PCDH15: variants seen among roughly 807,000 people sequenced by gnomAD.
PCDH15 encodes the protein protocadherin-15.
In PCDH15, 129 loss-of-function variants were observed where a neutral mutation model predicts 178.5. The ratio of observed to expected loss-of-function variants is 0.72; its 90% CI spans 0.63 to 0.84. PCDH15 has a LOEUF of 0.84. PCDH15 is among the 40% of genes least tolerant of loss of function. The probability of loss-of-function intolerance (pLI) is 0.00; values close to 1 mark genes in which losing one functional copy is unlikely to be tolerated. For missense variants in PCDH15, 2,230 were observed against 2,099.9 expected (o/e 1.06, Z -1.21); for synonymous variants, 800 against 732.0 (o/e 1.09, Z -1.50).
At chr10:53,863,679 GA>G (rs987947517) in intron 27 of PCDH15, among the ~76,000 whole-genome samples, 4 of 152,130 alleles carry the variant, frequency 2.6e-5, no homozygotes, top group South Asian at 2.1e-4. Flanking sequence ...TTGGAAGATA[GA>G]AAAAAAGCAT....
chr10:54,628,308 T>C lies in PCDH15; in HGVS notation c.91+35864A>G, dbSNP rs2093612805. ...ATATTCTTCCCACATAAATTATAGA[T>C]TAACATATTTCCTGATTTTTTGAAG... On this transcript the variant is annotated intron_variant, in intron 2 of 37. Coordinates refer to ENST00000644397, the MANE Select transcript of PCDH15 (RefSeq NM_001384140.1). Among the ~76,000 whole-genome samples the C allele has an allele frequency of 3.3e-5, 5 of 152,272 alleles. No homozygotes were observed. In the South Asian group the frequency reaches 1.0e-3, roughly 32 times the overall value.
At chr10:54,589,479 C>T (rs1590312737) in intron 2 of PCDH15, among the ~76,000 whole-genome samples, 1 of 152,086 alleles carries the variant, frequency 6.6e-6, no homozygotes, top group East Asian at 1.9e-4. Flanking sequence ...ATCCATAGTG[C>T]CTATCACCTG....
At chr10:54,896,524 A>AG (rs1564612539) in intron 3 of PCDH15, among the ~76,000 whole-genome samples, 1 of 152,202 alleles carries the variant, frequency 6.6e-6, no homozygotes, top group Admixed American at 6.5e-5. Context: ...AAAAAAAAAA[A>AG]ATAGCTTAGC....
intron 2 of PCDH15, among the ~76,000 whole-genome samples, chr10:55,000,619 T>C (rs957654072): frequency 6.6e-6 from 1 of 152,168 alleles, no homozygotes; most frequent in Non-Finnish European, 1.5e-5. Context: ...ACAAGGGTAT[T>C]GATTGGGGAA....
chr10:53,892,680 A>G (rs1359919734), intron 26 of PCDH15, among the ~76,000 whole-genome samples: 2 of 152,188 alleles, frequency 1.3e-5, no homozygotes, highest in Non-Finnish European at 2.9e-5. Context: ...GCTATGTATC[A>G]GCAACTGGTA....
chr10:54,534,945 T>G (rs1211768059), intron 2 of PCDH15, among the ~76,000 whole-genome samples: 1 of 152,204 alleles, frequency 6.6e-6, no homozygotes, highest in East Asian at 1.9e-4. Flanking sequence ...TAATCTAACT[T>G]GTATGATCTA....
chr10:55,104,284 G>A (rs1352093105), intron 2 of PCDH15, among the ~76,000 whole-genome samples: 2 of 151,472 alleles, frequency 1.3e-5, no homozygotes, highest in Non-Finnish European at 2.9e-5. Flanking sequence ...TCTTAATGAT[G>A]TCTGGGAACT....
At chr10:53,827,688 A>G in intron 31 of PCDH15, 140 bp from the exon 32 acceptor site, 5 of 1,012,508 alleles carry the variant, frequency 4.9e-6, no homozygotes, top group Non-Finnish European at 5.9e-6. Flanking sequence ...TTATAAACAG[A>G]TGTAATTACA....
intron 2 of PCDH15, among the ~76,000 whole-genome samples, chr10:55,501,835 G>A (rs1286822588): frequency 6.6e-6 from 1 of 151,596 alleles, no homozygotes; most frequent in Non-Finnish European, 1.5e-5. Context: ...TCAATCTCTT[G>A]TTTATCAATT....
At chr10:55,341,936 C>G (rs1844611364) in intron 2 of PCDH15, among the ~76,000 whole-genome samples, 1 of 148,178 alleles carries the variant, frequency 6.7e-6, no homozygotes, top group Non-Finnish European at 1.5e-5. Context: ...CAGGAGCCAC[C>G]CTTCCCGGAC....
chr10:55,302,922 G>A (rs116574956), intron 1 of PCDH15, among the ~76,000 whole-genome samples: 2,373 of 152,026 alleles, frequency 0.016, 65 homozygotes, highest in African/African-American at 0.054. Flanking sequence ...CTCTTGCCGA[G>A]GAAAAGGATG....
At chr10:54,084,443 A>G (rs972931576) in intron 16 of PCDH15, among the ~76,000 whole-genome samples, 1 of 151,860 alleles carries the variant, frequency 6.6e-6, no homozygotes, top group Non-Finnish European at 1.5e-5. Context: ...ACAGCTCTCC[A>G]GTCTGGGAGA....
chr10:54,556,939 C>T (rs184953286), intron 2 of PCDH15, among the ~76,000 whole-genome samples: 1 of 152,054 alleles, frequency 6.6e-6, no homozygotes, highest in Non-Finnish European at 1.5e-5. Flanking sequence ...ATTATTTGGC[C>T]TTCCTAATTA....
chr10:54,427,269 GTTTTTTTT>G (rs71007854), intron 3 of PCDH15, among the ~76,000 whole-genome samples: 5 of 56,760 alleles, frequency 8.8e-5, no homozygotes, highest in African/African-American at 4.2e-4. Flanking sequence ...TCTTTTTCTG[GTTTTTTTT>G]TTTTTTTTTT....
At chr10:54,148,252 A>G (rs2044179023) in intron 14 of PCDH15, among the ~76,000 whole-genome samples, 1 of 151,992 alleles carries the variant, frequency 6.6e-6, no homozygotes, top group South Asian at 2.1e-4. Flanking sequence ...TTAGCTGTTT[A>G]TCAGGTTCAG....
At chr10:54,906,597 C>T (rs974425904) in intron 2 of PCDH15, among the ~76,000 whole-genome samples, 4 of 152,188 alleles carry the variant, frequency 2.6e-5, no homozygotes, top group African/African-American at 9.6e-5. Flanking sequence ...GTGCTAGGCT[C>T]TTAACTAATT....
intron 2 of PCDH15, among the ~76,000 whole-genome samples, chr10:54,955,304 T>G (rs1433159537): frequency 6.6e-6 from 1 of 151,370 alleles, no homozygotes; most frequent in African/African-American, 2.4e-5. Flanking sequence ...TGTTTTTCTT[T>G]TTACCTCATC....
intron 3 of PCDH15, among the ~76,000 whole-genome samples, chr10:54,462,507 C>CTTTTTTTTT (rs71461244): frequency 4.0e-5 from 4 of 98,814 alleles, no homozygotes; most frequent in African/African-American, 4.0e-5. Flanking sequence ...TTTTCTTTTT[C>CTTTTTTTTT]TTTTCTTTTT....
At chr10:54,629,592 C>G (rs2093647167) in intron 2 of PCDH15, among the ~76,000 whole-genome samples, 2 of 152,044 alleles carry the variant, frequency 1.3e-5, no homozygotes, top group African/African-American at 4.8e-5. Flanking sequence ...AAACATACCT[C>G]AAAATGATAG....
Sources: gnomAD v4.1 joint callset for allele counts (sites outside exome capture counted in the v4.1 genomes callset) on GRCh38, gnomAD v4.1.1 for gene constraint, MANE v1.5 for transcripts, NCBI Gene and HGNC (gene_info 2026-07-23, HGNC 2026-07-21) for gene names.